Variants in CCT3 observed in about 807,000 individuals in gnomAD.
CCT3 encodes chaperonin containing TCP1 subunit 3.
In CCT3, 10 loss-of-function variants were observed where a neutral mutation model predicts 65.3. That is an observed-to-expected ratio of 0.15 (90% confidence interval 0.09 to 0.26). The LOEUF (loss-of-function observed/expected upper bound fraction) is 0.26. CCT3 is among the 10% of genes least tolerant of loss of function. The probability of loss-of-function intolerance (pLI) is 1.00; values close to 1 mark genes in which losing one functional copy is unlikely to be tolerated. For missense variants in CCT3, 626 were observed against 708.7 expected (o/e 0.88, Z 1.33); for synonymous variants, 225 against 242.3 (o/e 0.93, Z 0.66).
chr1:156,313,153 G>A lies in CCT3; in HGVS notation c.975-932C>T, dbSNP rs186671194. 3.6e-4 allele frequency among the ~76,000 whole-genome samples: 55 copies of A among 151,972 alleles called. 1 individual carries two copies. In the East Asian group the frequency reaches 8.3e-3, roughly 23 times the overall value. On this transcript the variant is annotated intron_variant, in intron 10 of 13. Coordinates refer to ENST00000295688, the MANE Select transcript of CCT3 (RefSeq NM_005998.5). ...GAGGTCAGGAGTTCGAGACCAGCCT[G>A]GTGAAACCCCGCCTCTACTAAAAAT... is the stretch of plus-strand genomic sequence containing the variant.
chr1:156,312,687 A>G (rs1438381955), intron 10 of CCT3, among the ~76,000 whole-genome samples: 2 of 151,922 alleles, frequency 1.3e-5, no homozygotes, highest in African/African-American at 4.8e-5. Flanking sequence ...ACCCCAAAAA[A>G]CAACAACAAA....
chr1:156,321,644 C>T (rs12116478), intron 6 of CCT3, among the ~76,000 whole-genome samples: 35,213 of 151,986 alleles, frequency 0.23, 4,750 homozygotes, highest in Non-Finnish European at 0.29. Context: ...GAGGCCAAGG[C>T]GGGCAGATCA....
intron 12 of CCT3, 94 bp downstream of exon 12, chr1:156,310,856 A>G: frequency 1.3e-6 from 2 of 1,502,122 alleles, no homozygotes; most frequent in South Asian, 1.3e-5. Flanking sequence ...AATAGACTAT[A>G]AAGAGAATTT....
chr1:156,311,307 T>A, intron 11 of CCT3, 112 bp from the exon 12 acceptor site: 1 of 1,042,770 alleles, frequency 9.6e-7, no homozygotes, highest in Non-Finnish European at 1.4e-6. Context: ...GGAGGGCAAC[T>A]AGAAAAGGTC....
intron 6 of CCT3, among the ~76,000 whole-genome samples, chr1:156,322,632 C>T (rs1162640791): frequency 6.2e-5 from 9 of 145,424 alleles, no homozygotes; most frequent in Admixed American, 1.4e-4. Flanking sequence ...CCGAGGCAGG[C>T]GGATCACCTG....
chr1:156,319,702 T>G (rs1022635148), intron 7 of CCT3, among the ~76,000 whole-genome samples: 3 of 152,084 alleles, frequency 2.0e-5, no homozygotes, highest in Admixed American at 2.0e-4. Context: ...TGAGACCCAA[T>G]TGCTATTTAA....
At position 156,318,888 on chromosome 1, in the gene CCT3, A is replaced by G; in HGVS notation, c.739T>C (p.Tyr247His). 6.2e-7 allele frequency: 1 copy of G among 1,613,822 alleles called. No individual in the cohort carries two copies. Among genetic ancestry groups the G allele is most frequent in the African/African-American group, 1.3e-5 (1 of 75,032 alleles). The part of the protein sequence containing the change: ...RIVLLDSSLE[Y>H]KKGESQTDIE... The stretch of plus-strand genomic sequence containing the variant: ...CTTACCTGGCTTTCTCCTTTCTTGT[A>G]TTCCAGAGAAGAATCCAGCAGCACA... Residue 247 changes from tyrosine to histidine, a missense_variant, in exon 8 of 14, where the codon TAC becomes CAC. Physicochemically the swap from Tyr to His is moderately conservative, Grantham distance 83 (BLOSUM62 2). Coordinates refer to ENST00000295688, the MANE Select transcript of CCT3 (RefSeq NM_005998.5).
At chr1:156,328,108 C>T (rs1197129952) in intron 5 of CCT3, among the ~76,000 whole-genome samples, 1 of 141,710 alleles carries the variant, frequency 7.1e-6, no homozygotes, top group Non-Finnish European at 1.6e-5. Context: ...GCCGCCCCGT[C>T]CGGGAGGTGA....
intron 10 of CCT3, among the ~76,000 whole-genome samples, chr1:156,312,585 G>C (rs558123203): frequency 2.0e-5 from 3 of 151,996 alleles, no homozygotes; most frequent in African/African-American, 7.2e-5. Flanking sequence ...TTGAAACCAT[G>C]ATATCAAGGA....
chr1:156,310,568 G>A lies in CCT3; in HGVS notation c.1523C>T (p.Thr508Ile), dbSNP rs527340114. The A allele has an allele frequency of 1.9e-6, 3 of 1,613,228 alleles. No individual in the cohort carries two copies. The highest frequency in any genetic ancestry group is 2.2e-5 in the South Asian group (2 of 91,032). Reference sequence around the variant, plus strand: ...CTTAGGGTGCCTTACCTCCACTGCTGTCTTATAAGTCTGCAGCTTCACAGC... The same window carrying A: ...CTTAGGGTGCCTTACCTCCACTGCTATCTTATAAGTCTGCAGCTTCACAGC... ...PLAVKLQTYK[T>I]AVETAVLLLR... The change falls in exon 13 of 14, where the codon ACA becomes ATA. Residue 508 changes from threonine to isoleucine, a missense_variant. Coordinates refer to ENST00000295688, the MANE Select transcript of CCT3 (RefSeq NM_005998.5).
chr1:156,309,222 C>T lies in CCT3; in HGVS notation c.1615G>A (p.Ala539Thr), dbSNP rs750784940. The T allele has an allele frequency of 1.2e-6, 2 of 1,613,208 alleles. No homozygotes were observed. The highest frequency in any genetic ancestry group is 1.7e-6 in the Non-Finnish European group (2 of 1,179,194). ...KGDDQSRQGG[A>T]PDAGQE ...ACTCACTCCTGGCCAGCATCAGGAG[C>T]CCCGCCTTGCCGGCTCTGGTCATCG... The change falls in exon 14 of 14, where the codon GCT becomes ACT. Residue 539 changes from alanine (A) to threonine (T), a missense_variant. Transcript: ENST00000295688.
rs971604369 is a variant in CCT3, at chr1:156,320,978, T to C, written c.470A>G (p.Asn157Ser). Residue 157 changes from asparagine to serine, a missense_variant, in exon 7 of 14, where the codon AAC (asparagine) becomes AGC (serine). Asn to Ser is a conservative substitution (Grantham distance 46, BLOSUM62 1). Transcript: ENST00000295688. The part of the protein sequence containing the change: ...SDSDMMLNII[N>S]SSITTKAISR... ...GATGGCTTTGGTAGTAATAGAGCTG[T>C]TGATGATGTTCAGCATCATATCACT... 6.2e-7 allele frequency: 1 copy of C among 1,614,046 alleles called. No homozygotes were observed. Among genetic ancestry groups the C allele is most frequent in the Non-Finnish European group, 8.5e-7 (1 of 1,180,016 alleles).
At chr1:156,324,534 A>G (rs867744065) in intron 6 of CCT3, among the ~76,000 whole-genome samples, 2 of 151,720 alleles carry the variant, frequency 1.3e-5, no homozygotes, top group African/African-American at 4.8e-5. Context: ...TGCAGTGGAG[A>G]GATCTTGGCT....
chr1:156,320,314 C>A (rs917391244), intron 7 of CCT3, among the ~76,000 whole-genome samples: 1 of 152,118 alleles, frequency 6.6e-6, no homozygotes, highest in Non-Finnish European at 1.5e-5. Context: ...AAGGCTGAGG[C>A]AGGAGATCAC....
chr1:156,338,030 A>G, intron 1 of CCT3, 124 bp downstream of exon 1: 1 of 1,081,328 alleles, frequency 9.2e-7, no homozygotes, highest in Non-Finnish European at 1.4e-6. Context: ...GGCTTCCAAA[A>G]TGAAGACGAT....
At position 156,323,047 on chromosome 1, in the gene CCT3, C is replaced by T. The variant is rs548175026; in HGVS notation, c.422+1925G>A. ...TATGGCCAGGCGCGGTGGCTCACGC[C>T]TGTAATCCCAGCACTTCGGGAGGTC... On this transcript the variant is annotated intron_variant, in intron 6 of 13. Transcript: ENST00000295688. Among the ~76,000 whole-genome samples the T allele has an allele frequency of 7.2e-5, 11 of 151,930 alleles. No individual in the cohort carries two copies. In the East Asian group the frequency reaches 2.1e-3, roughly 29 times the overall value.
chr1:156,315,749 G>C (rs1313596218), intron 10 of CCT3, among the ~76,000 whole-genome samples: 1 of 152,102 alleles, frequency 6.6e-6, no homozygotes, highest in Non-Finnish European at 1.5e-5. Flanking sequence ...AAGGCAACTA[G>C]TCATCACTAC....
Position 156,317,427 on chromosome 1 carries a change from T to G in CCT3, c.880A>C (p.Lys294Gln). ...QLKPDVVITE[K>Q]GISDLAQHYL... is the part of the protein sequence containing the mutation. ...AACAAAGTCCCACCTGAGATGCCCT[T>G]TTCAGTGATGACCACATCGGGCTTC... Residue 294 changes from lysine to glutamine, a missense_variant, in exon 9 of 14, where the codon AAG becomes CAG. Lys to Gln is a moderately conservative substitution (Grantham distance 53). Coordinates refer to ENST00000295688, the MANE Select transcript of CCT3 (RefSeq NM_005998.5). The G allele has an allele frequency of 6.2e-7, 1 of 1,611,082 alleles. No homozygotes were observed. The highest frequency in any genetic ancestry group is 2.2e-5 in the East Asian group (1 of 44,794).
At chr1:156,337,813 G>C in intron 1 of CCT3, 2 of 332,258 alleles carry the variant, frequency 6.0e-6, no homozygotes, top group Non-Finnish European at 1.1e-5. Flanking sequence ...AAAAAAAAAC[G>C]TTATTCGTGC....
Sources: gnomAD v4.1 joint callset for allele counts (sites outside exome capture counted in the v4.1 genomes callset) on GRCh38, gnomAD v4.1.1 for gene constraint, MANE v1.5 for transcripts, NCBI Gene and HGNC (gene_info 2026-07-23, HGNC 2026-07-21) for gene names.